The following NAV2 variants were observed in gnomAD, a reference collection of about 807,000 sequenced individuals.
NAV2 encodes helicase, APC down-regulated 1.
A neutral mutation model predicts 223.2 loss-of-function variants in NAV2; 54 were observed. The ratio of observed to expected loss-of-function variants is 0.24; its 90% CI spans 0.19 to 0.30. The LOEUF (loss-of-function observed/expected upper bound fraction) is 0.30. Among genes scored for constraint, NAV2 ranks in the 10% least tolerant of loss-of-function variants. The pLI, the probability that NAV2 is intolerant of heterozygous loss-of-function variation, is 1.00. For missense variants in NAV2, 2,806 were observed against 3,147.5 expected (o/e 0.89, Z 2.60); for synonymous variants, 1,279 against 1,239.3 (o/e 1.03, Z -0.67).
chr11:19,996,376 C>T (rs985185560), intron 11 of NAV2, among the ~76,000 whole-genome samples: 6 of 152,190 alleles, frequency 3.9e-5, no homozygotes, highest in East Asian at 1.9e-4. Flanking sequence ...TAAGCCAGTC[C>T]GCCTTCCAGG....
At chr11:19,828,129 G>T (rs574421567) in intron 1 of NAV2, among the ~76,000 whole-genome samples, 1 of 152,292 alleles carries the variant, frequency 6.6e-6, no homozygotes, top group African/African-American at 2.4e-5. Flanking sequence ...ACCCCAGCCT[G>T]GGAGACAGAG....
At chr11:19,462,593 T>C (rs1394031777) in intron 1 of NAV2, among the ~76,000 whole-genome samples, 1 of 152,260 alleles carries the variant, frequency 6.6e-6, no homozygotes, top group Non-Finnish European at 1.5e-5. Context: ...CCAAGTCATA[T>C]ATAAACTGCC....
chr11:19,471,048 A>G (rs1187334304), intron 1 of NAV2, among the ~76,000 whole-genome samples: 1 of 152,172 alleles, frequency 6.6e-6, no homozygotes, highest in Non-Finnish European at 1.5e-5. Flanking sequence ...CTTTCTAATG[A>G]AGGACCATTT....
At chr11:19,847,795 T>C (rs1423090787) in intron 3 of NAV2, among the ~76,000 whole-genome samples, 1 of 152,168 alleles carries the variant, frequency 6.6e-6, no homozygotes, top group African/African-American at 2.4e-5. Flanking sequence ...CCTTAGTTCA[T>C]CCTCCCAACA....
chr11:20,015,625 C>A (rs946303544), intron 11 of NAV2, among the ~76,000 whole-genome samples: 1 of 152,100 alleles, frequency 6.6e-6, no homozygotes, highest in Non-Finnish European at 1.5e-5. Context: ...CCACATACAC[C>A]CAATTATAAG....
intron 1 of NAV2, among the ~76,000 whole-genome samples, chr11:19,618,075 T>C (rs1565104569): frequency 6.6e-6 from 1 of 152,240 alleles, no homozygotes; most frequent in East Asian, 1.9e-4. Flanking sequence ...TTACCTACTG[T>C]TTGTTGTCTT....
In NAV2 at chr11:19,705,024, A is replaced by G. The variant is rs552020318; in HGVS notation, c.76-127460A>G. Among the ~76,000 whole-genome samples, 470 of 151,434 alleles carry G rather than the reference A, an allele frequency of 3.1e-3. 2 individuals carry two copies. Among genetic ancestry groups the G allele is most frequent in the South Asian group, 0.016 (75 of 4,804 alleles). ...AGACTCCGTCTCAAAAAAAAAAAAA[A>G]AAAAGAAAAGAAATAATTTTTAAAT... On this transcript the variant is annotated intron_variant, in intron 1 of 37. Coordinates refer to the NAV2 transcript ENST00000360655.
At position 19,938,829 on chromosome 11, in the gene NAV2, T is replaced by C. The variant is rs116884962; in HGVS notation, c.2034-832T>C. Reference sequence around the variant, plus strand: ...GAACAGTTGGATGACTTGAGGTTTATCAGTACATCCCCCGTGGTCCATTCT... The same window carrying C: ...GAACAGTTGGATGACTTGAGGTTTACCAGTACATCCCCCGTGGTCCATTCT... On this transcript the variant is annotated intron_variant, in intron 7 of 37. Transcript: ENST00000349880. 3.2e-3 allele frequency among the ~76,000 whole-genome samples: 480 copies of C among 152,352 alleles called. 16 individuals carry two copies. The South Asian group carries it at 0.07, about 22-fold the overall frequency.
intron 1 of NAV2, among the ~76,000 whole-genome samples, chr11:19,435,293 T>C (rs576695876): frequency 2.6e-5 from 4 of 152,186 alleles, no homozygotes; most frequent in African/African-American, 4.8e-5. Flanking sequence ...GTCTGGCTTT[T>C]TTGGATTCCA....
At chr11:19,642,827 G>C (rs888753042) in intron 1 of NAV2, among the ~76,000 whole-genome samples, 1 of 152,144 alleles carries the variant, frequency 6.6e-6, no homozygotes, top group African/African-American at 2.4e-5. Flanking sequence ...TGGCTCCTGG[G>C]AAATGATTAC....
intron 1 of NAV2, among the ~76,000 whole-genome samples, chr11:19,377,056 G>A (rs369311933): frequency 2.0e-5 from 3 of 152,216 alleles, no homozygotes; most frequent in African/African-American, 4.8e-5. Context: ...AAAACATGGC[G>A]TGGGGAAAGT....
rs117674912 is a variant in NAV2, at chr11:20,064,593, C to T, written c.4884+2234C>T. Among the ~76,000 whole-genome samples the T allele has an allele frequency of 6.0e-4, 91 of 152,072 alleles. 3 individuals carry two copies. The East Asian group carries it at 0.017, about 29-fold the overall frequency. ...TGTGTCTTCAGATCTAGGAAACTGTCACATGCAGTTCCTGGGGGCAGCCCC... is the reference window on the plus strand; with the variant it reads ...TGTGTCTTCAGATCTAGGAAACTGTTACATGCAGTTCCTGGGGGCAGCCCC... On this transcript the variant is annotated intron_variant, in intron 20 of 37. Transcript: ENST00000349880.
intron 1 of NAV2, among the ~76,000 whole-genome samples, chr11:19,581,223 T>C (rs978150899): frequency 1.3e-5 from 2 of 152,222 alleles, no homozygotes; most frequent in Non-Finnish European, 1.5e-5. Context: ...TTGGTTTTTT[T>C]ACTTTCTTTA....
At chr11:19,562,543 C>G (rs11025184) in intron 1 of NAV2, among the ~76,000 whole-genome samples, 1 of 152,174 alleles carries the variant, frequency 6.6e-6, no homozygotes, top group East Asian at 1.9e-4. Flanking sequence ...AGCTTAGGCA[C>G]TAAATCAGCA....
At chr11:19,578,573 C>A (rs2045630966) in intron 1 of NAV2, among the ~76,000 whole-genome samples, 1 of 152,186 alleles carries the variant, frequency 6.6e-6, no homozygotes. Context: ...TGTCCAGCCA[C>A]CATGCCCTGG....
At chr11:20,089,099 A>G (rs1340941065) in intron 26 of NAV2, among the ~76,000 whole-genome samples, 1 of 152,124 alleles carries the variant, frequency 6.6e-6, no homozygotes, top group Admixed American at 6.5e-5. Context: ...GATGTTGCAA[A>G]TTCTAAAGAC....
chr11:19,389,599 C>A (rs1374818709), intron 1 of NAV2, among the ~76,000 whole-genome samples: 1 of 152,214 alleles, frequency 6.6e-6, no homozygotes, highest in Non-Finnish European at 1.5e-5. Context: ...CAACAACTCA[C>A]AAGGAGTTGT....
intron 1 of NAV2, among the ~76,000 whole-genome samples, chr11:19,685,542 C>T (rs2049000352): frequency 6.6e-6 from 1 of 152,186 alleles, no homozygotes; most frequent in South Asian, 2.1e-4. Flanking sequence ...GGTTCCCATG[C>T]ACTTAAATTC....
chr11:20,105,835 T>C (rs2061985548), intron 35 of NAV2, 108 bp downstream of exon 35: 5 of 887,742 alleles, frequency 5.6e-6, no homozygotes, highest in Non-Finnish European at 8.8e-6. Flanking sequence ...GAAGCTGGAC[T>C]GTCCATAAAG....
Sources: allele counts gnomAD v4.1 joint callset (sites outside exome capture counted in the v4.1 genomes callset), GRCh38; gene constraint gnomAD v4.1.1; transcripts MANE v1.5; gene names NCBI Gene and HGNC (gene_info 2026-07-23, HGNC 2026-07-21).